TIMP2: variants seen among roughly 807,000 people sequenced by gnomAD.
TIMP2 encodes the protein TIMP metallopeptidase inhibitor 2, also known as metalloproteinase inhibitor 2.
A neutral mutation model predicts 24.3 loss-of-function variants in TIMP2; 5 were observed. The ratio of observed to expected loss-of-function variants is 0.21; its 90% CI spans 0.11 to 0.43. The LOEUF is 0.43. Among genes scored for constraint, TIMP2 ranks in the 20% least tolerant of loss-of-function variants. The probability of loss-of-function intolerance (pLI) is 1.00; values close to 1 mark genes in which losing one functional copy is unlikely to be tolerated. For missense variants in TIMP2, 221 were observed against 297.5 expected, an observed-to-expected ratio of 0.74 and a Z score of 1.89; for synonymous variants, 130 against 123.2, an observed-to-expected ratio of 1.06 and a Z score of -0.37.
chr17:78,883,788 C>G (rs556818959), intron 1 of TIMP2, among the ~76,000 whole-genome samples: 203 of 152,280 alleles, frequency 1.3e-3, no homozygotes, highest in Non-Finnish European at 2.3e-3. Context: ...AGCAAAGCCG[C>G]CCTCTCTGCC....
chr17:78,868,655 G>A (rs142528019), intron 3 of TIMP2, among the ~76,000 whole-genome samples: 4 of 152,236 alleles, frequency 2.6e-5, no homozygotes, highest in East Asian at 1.9e-4. Context: ...GCTAGACTGC[G>A]GCTGCCGGCC....
In TIMP2 at chr17:78,920,904, C is replaced by A. The variant is rs928019041; in HGVS notation, c.130+4055G>T. On this transcript the variant is annotated intron_variant, in intron 1 of 4. Transcript: ENST00000262768. This position sits in a 1 kb window ranked among gnomAD's most constrained non-coding sequence, Gnocchi z 4.5. ...CCACAGGGACAATGTCTTGCTTCTC[C>A]CTTACATCCCCGGGGGCAGAGGCAG... Among the ~76,000 whole-genome samples the A allele has an allele frequency of 2.6e-5, 4 of 152,100 alleles. No homozygotes were observed. The highest frequency in any genetic ancestry group is 9.7e-5 in the African/African-American group (4 of 41,412).
intron 3 of TIMP2, among the ~76,000 whole-genome samples, chr17:78,861,660 C>T (rs375188398): frequency 4.3e-4 from 65 of 149,992 alleles, no homozygotes; most frequent in Admixed American, 4.0e-4. Flanking sequence ...TGGAGTGCAG[C>T]GGTGCCATCT....
chr17:78,886,803 C>T (rs1261531267), intron 1 of TIMP2, among the ~76,000 whole-genome samples: 1 of 152,174 alleles, frequency 6.6e-6, no homozygotes, highest in Non-Finnish European at 1.5e-5. Flanking sequence ...CAGCTCACTG[C>T]AGCCTCGACC....
At position 78,891,680 on chromosome 17, in the gene TIMP2, C is replaced by T. The variant is rs547135189; in HGVS notation, c.131-17761G>A. On this transcript the variant is annotated intron_variant, in intron 1 of 4. Coordinates refer to ENST00000262768, the MANE Select transcript of TIMP2 (RefSeq NM_003255.5). The surrounding 1 kb of genome is among the most constrained non-coding windows in gnomAD (Gnocchi z 4.5). ...CTTTCCCAGTTGCCTCCTCCCCGCCCGAGCTGTTCCTTTCTCTTTTTCCTC... is the reference window on the plus strand; with the variant it reads ...CTTTCCCAGTTGCCTCCTCCCCGCCTGAGCTGTTCCTTTCTCTTTTTCCTC... 215 of 1,551,108 alleles carry T rather than the reference C, an allele frequency of 1.4e-4. No homozygotes were observed. The highest frequency in any genetic ancestry group is 3.8e-4 in the African/African-American group (28 of 73,162).
intron 1 of TIMP2, among the ~76,000 whole-genome samples, chr17:78,894,360 T>G (rs2069965147): frequency 6.6e-6 from 1 of 151,940 alleles, no homozygotes; most frequent in Admixed American, 6.6e-5. Flanking sequence ...TTGACTTAAG[T>G]CTTCTAGTGG....
chr17:78,859,919 T>A lies in TIMP2; in HGVS notation c.341-2273A>T, dbSNP rs1403788415. On this transcript the variant is annotated intron_variant, in intron 3 of 4. Coordinates refer to ENST00000262768, the MANE Select transcript of TIMP2 (RefSeq NM_003255.5). Reference sequence around the variant, plus strand: ...AGGCAGGAGAATCGCTTGAACCCAGTGGGCAGAGGTTACAGCGAGAAGAGG... The same window carrying A: ...AGGCAGGAGAATCGCTTGAACCCAGAGGGCAGAGGTTACAGCGAGAAGAGG... 2.0e-5 allele frequency among the ~76,000 whole-genome samples: 3 copies of A among 150,564 alleles called. No homozygotes were observed. In the East Asian group the frequency reaches 5.9e-4, roughly 30 times the overall value.
chr17:78,877,590 C>G (rs960828580), intron 1 of TIMP2, among the ~76,000 whole-genome samples: 9 of 152,024 alleles, frequency 5.9e-5, no homozygotes, highest in Non-Finnish European at 8.8e-5. Context: ...AGCAAGCCAG[C>G]AGAATCCAAA....
chr17:78,870,959 G>A lies in TIMP2; in HGVS notation c.279C>T (p.Pro93=), dbSNP rs769586651. The A allele has an allele frequency of 3.1e-6, 5 of 1,613,820 alleles. No homozygotes were observed. Among genetic ancestry groups the A allele is most frequent in the Admixed American group, 3.3e-5 (2 of 60,004 alleles). The change falls in exon 3 of 5, where the codon CCC becomes CCT. Residue 93 remains proline, a synonymous_variant. Transcript: ENST00000262768. ...EKDIEFIYTA[P]SSAVCGVSLD... ...GCGAGACCCCACACACTGCCGAGGA[G>A]GGGGCCGTGTAGATAAACTCTATAT...
chr17:78,905,182 G>A (rs181638969), intron 1 of TIMP2, among the ~76,000 whole-genome samples: 1 of 150,982 alleles, frequency 6.6e-6, no homozygotes, highest in Non-Finnish European at 1.5e-5. Flanking sequence ...CCTTCTTTCT[G>A]CCTTGGACCT....
intron 1 of TIMP2, among the ~76,000 whole-genome samples, chr17:78,908,010 C>T (rs1489545943): frequency 6.6e-6 from 1 of 152,192 alleles, no homozygotes; most frequent in Non-Finnish European, 1.5e-5. Flanking sequence ...TGGTGTGTGT[C>T]TGTGGTCCCA....
chr17:78,884,267 C>T (rs1051481388), intron 1 of TIMP2, among the ~76,000 whole-genome samples: 2 of 152,182 alleles, frequency 1.3e-5, no homozygotes, highest in Non-Finnish European at 2.9e-5. Context: ...ATTCTCTCCT[C>T]GCACTGTTGC....
intron 3 of TIMP2, among the ~76,000 whole-genome samples, chr17:78,858,137 T>C (rs117521437): frequency 0.012 from 1,841 of 149,870 alleles, 20 homozygotes; most frequent in Non-Finnish European, 0.02. Context: ...AACTTAAACA[T>C]TGGAAACAAA....
At chr17:78,890,903 T>C (rs745497513) in intron 1 of TIMP2, 13 of 1,550,630 alleles carry the variant, frequency 8.4e-6, no homozygotes, top group Non-Finnish European at 1.1e-5. Context: ...CTCAGCTTTG[T>C]AGTGGATTTC....
intron 1 of TIMP2, among the ~76,000 whole-genome samples, chr17:78,921,019 C>T (rs1210570664): frequency 6.6e-6 from 1 of 152,236 alleles, no homozygotes; most frequent in Admixed American, 6.5e-5. Flanking sequence ...TCACATACTT[C>T]GCACAACGAG....
chr17:78,914,385 T>G (rs1052103889), intron 1 of TIMP2, among the ~76,000 whole-genome samples: 8 of 151,858 alleles, frequency 5.3e-5, no homozygotes, highest in African/African-American at 1.9e-4. Flanking sequence ...TGGGTTCAAG[T>G]GATTCTCCTG....
intron 3 of TIMP2, among the ~76,000 whole-genome samples, chr17:78,869,212 G>A (rs1331490820): frequency 2.0e-5 from 3 of 152,020 alleles, no homozygotes; most frequent in Admixed American, 6.6e-5. Context: ...CTTGAGCCTC[G>A]GAGTTCAAGA....
intron 1 of TIMP2, among the ~76,000 whole-genome samples, chr17:78,894,200 C>T (rs530938048): frequency 2.0e-5 from 3 of 151,886 alleles, no homozygotes; most frequent in Non-Finnish European, 2.9e-5. Flanking sequence ...CCTACCCCCC[C>T]CGGTTCACAG....
chr17:78,874,738 C>T (rs149818394), intron 1 of TIMP2, among the ~76,000 whole-genome samples: 2,603 of 140,058 alleles, frequency 0.019, 38 homozygotes, highest in Non-Finnish European at 0.028. Flanking sequence ...TCACCACGCC[C>T]GGTTAATTTT....
Sources: gnomAD v4.1 joint callset for allele counts (sites outside exome capture counted in the v4.1 genomes callset) on GRCh38, gnomAD v4.1.1 for gene constraint, Gnocchi (gnomAD v3.1) non-coding constraint, MANE v1.5 for transcripts, NCBI Gene and HGNC (gene_info 2026-07-23, HGNC 2026-07-21) for gene names.